Variants in PHF20 observed in about 807,000 individuals in gnomAD.
PHF20 encodes the protein glioma-expressed antigen 2.
A neutral mutation model predicts 113.5 loss-of-function variants in PHF20; 23 were observed. The observed-to-expected ratio is 0.20, with a 90% CI of 0.15 to 0.29. The LOEUF (loss-of-function observed/expected upper bound fraction) is 0.29. PHF20 is among the 10% of genes least tolerant of loss of function. The pLI, the probability that PHF20 is intolerant of heterozygous loss-of-function variation, is 1.00. For missense variants in PHF20, 943 were observed against 1,219.6 expected (o/e 0.77, Z 3.38); for synonymous variants, 434 against 457.3 (o/e 0.95, Z 0.65).
chr20:35,920,266 C>T (rs1301155370), intron 13 of PHF20, among the ~76,000 whole-genome samples: 1 of 152,078 alleles, frequency 6.6e-6, no homozygotes, highest in African/African-American at 2.4e-5. Context: ...GTATAATATC[C>T]TTGAGATTCA....
intron 2 of PHF20, among the ~76,000 whole-genome samples, chr20:35,810,762 A>G (rs1158746661): frequency 6.6e-6 from 1 of 152,156 alleles, no homozygotes; most frequent in East Asian, 1.9e-4. Context: ...ATGCATTCTG[A>G]TTATGTTCAC....
At chr20:35,776,395 A>G (rs574184437) in intron 1 of PHF20, among the ~76,000 whole-genome samples, 59 of 152,346 alleles carry the variant, frequency 3.9e-4, no homozygotes, top group Non-Finnish European at 7.6e-4. Flanking sequence ...TGGGTGCTCC[A>G]GAAAGACAAA....
chr20:35,787,037 G>A (rs914999866), intron 1 of PHF20, among the ~76,000 whole-genome samples: 2 of 146,874 alleles, frequency 1.4e-5, no homozygotes, highest in African/African-American at 2.5e-5. Context: ...TGTTGCCCAA[G>A]CTGGAGTACG....
At chr20:35,789,569 C>T (rs926810389) in intron 1 of PHF20, among the ~76,000 whole-genome samples, 12 of 151,802 alleles carry the variant, frequency 7.9e-5, no homozygotes, top group South Asian at 4.1e-4. Context: ...TTTTTTGTGA[C>T]GCAGTCTTGC....
rs181831255 is a variant in PHF20 at position 35,868,199 on chromosome 20, A to T, written c.809-1239A>T. ...TCCCAGCTACTTGGGAGGCTGAGGC[A>T]GGAGAATCACTTGAACCCGGGAGGC... On this transcript the variant is annotated intron_variant, in intron 6 of 17. Coordinates refer to ENST00000374012, the MANE Select transcript of PHF20 (RefSeq NM_016436.5). Among the ~76,000 whole-genome samples the T allele has an allele frequency of 3.8e-4, 58 of 152,256 alleles. 1 individual carries two copies. The East Asian group carries it at 0.01, about 27-fold the overall frequency.
chr20:35,822,846 TAAAAAAAAAA>T (rs780275666), intron 2 of PHF20, among the ~76,000 whole-genome samples: 9 of 55,564 alleles, frequency 1.6e-4, no homozygotes, highest in African/African-American at 5.9e-4. Flanking sequence ...ACCCTGCTTC[TAAAAAAAAAA>T]AAAAAAAAAA....
Position 35,857,917 on chromosome 20 carries a change from G to A in PHF20, c.341-385G>A, listed in dbSNP as rs527932078. Among the ~76,000 whole-genome samples the A allele has an allele frequency of 3.9e-5, 6 of 152,154 alleles. No homozygotes were observed. The East Asian group carries it at 7.7e-4, about 20-fold the overall frequency. On this transcript the variant is annotated intron_variant, in intron 4 of 17. Transcript: ENST00000374012. ...GAGAGCTATTACTGCCCCCGATCCC[G>A]GAACGTAAAGATTAAATTATAAAAG...
At chr20:35,864,110 C>T (rs1321530564) in intron 6 of PHF20, among the ~76,000 whole-genome samples, 2 of 152,176 alleles carry the variant, frequency 1.3e-5, no homozygotes, top group African/African-American at 4.8e-5. Flanking sequence ...CCCCGGTTCT[C>T]TGGACTGAGC....
At chr20:35,837,324 C>T (rs1389947273) in intron 2 of PHF20, among the ~76,000 whole-genome samples, 1 of 152,156 alleles carries the variant, frequency 6.6e-6, no homozygotes, top group Non-Finnish European at 1.5e-5. Context: ...TCCCTATCTC[C>T]TCCTAAGAGC....
At chr20:35,823,644 A>G (rs1224581945) in intron 2 of PHF20, among the ~76,000 whole-genome samples, 3 of 151,068 alleles carry the variant, frequency 2.0e-5, no homozygotes, top group African/African-American at 7.3e-5. Flanking sequence ...AAAAAAAAAA[A>G]AAAAAAAAAA....
At chr20:35,877,629 G>C (rs78811001) in intron 9 of PHF20, among the ~76,000 whole-genome samples, 7,268 of 150,064 alleles carry the variant, frequency 0.048, 232 homozygotes, top group African/African-American at 0.099. Context: ...CCACGCTGTA[G>C]TACAGTGGTA....
Position 35,947,673 on chromosome 20 carries a change from CA to C in PHF20, c.*47del. 21 of 1,585,038 alleles carry C rather than the reference CA, an allele frequency of 1.3e-5. No individual in the cohort carries two copies. The highest frequency in any genetic ancestry group is 1.8e-5 in the Non-Finnish European group (21 of 1,158,810). On this transcript the variant is annotated 3_prime_UTR_variant, in exon 18 of 18. Coordinates refer to ENST00000374012, the MANE Select transcript of PHF20 (RefSeq NM_016436.5). The stretch of plus-strand genomic sequence containing the variant: ...TGGGGGCACAATCCTGGGGCACCTG[CA>C]GGAGGAGCTTCGCATATTTAAATAA...
intron 2 of PHF20, among the ~76,000 whole-genome samples, chr20:35,820,275 A>G (rs2042145041): frequency 6.6e-6 from 1 of 152,202 alleles, no homozygotes; most frequent in African/African-American, 2.4e-5. Context: ...TTTTGATGCC[A>G]AGTCATTCAT....
In PHF20 at chr20:35,782,761, T is replaced by C. The variant is rs1391618556; in HGVS notation, c.-33+10682T>C. On this transcript the variant is annotated intron_variant, in intron 1 of 17. Coordinates refer to ENST00000374012, the MANE Select transcript of PHF20 (RefSeq NM_016436.5). ...GTTATGCACATTGGAGGCAGAACTT[T>C]CCAGCCTAGCAAGTTACTTAACCTA... Among the ~76,000 whole-genome samples, 8 of 152,354 alleles carry C rather than the reference T, an allele frequency of 5.3e-5. No homozygotes were observed. The East Asian group carries it at 1.3e-3, about 26-fold the overall frequency.
intron 1 of PHF20, among the ~76,000 whole-genome samples, chr20:35,772,514 T>A (rs1046422712): frequency 2.0e-5 from 3 of 152,234 alleles, no homozygotes; most frequent in South Asian, 2.1e-4. Flanking sequence ...TGGCTTTTTT[T>A]ATCCTATTCT....
chr20:35,927,689 T>C, intron 13 of PHF20, 91 bp from the exon 14 acceptor site: 1 of 950,964 alleles, frequency 1.1e-6, no homozygotes, highest in Non-Finnish European at 1.7e-6. Context: ...CCTTCTATCC[T>C]CCCATGCCCC....
At chr20:35,825,400 GAAGAT>G (rs1469743027) in intron 2 of PHF20, among the ~76,000 whole-genome samples, 9 of 152,098 alleles carry the variant, frequency 5.9e-5, no homozygotes, top group Non-Finnish European at 1.3e-4. Context: ...TTTGAGGAAA[GAAGAT>G]AAGGTATGAA....
intron 16 of PHF20, among the ~76,000 whole-genome samples, chr20:35,940,110 C>A (rs753827134): frequency 7.9e-5 from 12 of 152,110 alleles, no homozygotes; most frequent in Non-Finnish European, 1.8e-4. Flanking sequence ...TTGTGAAAAT[C>A]CCTCAGTAAA....
chr20:35,823,436 C>CAAA (rs200101311), intron 2 of PHF20, among the ~76,000 whole-genome samples: 3,630 of 65,832 alleles, frequency 0.055, 71 homozygotes, highest in African/African-American at 0.093. Flanking sequence ...CTTCGTCTCT[C>CAAA]AAAAAAAAAA....
Sources: allele counts gnomAD v4.1 joint callset (sites outside exome capture counted in the v4.1 genomes callset), GRCh38; gene constraint gnomAD v4.1.1; transcripts MANE v1.5; gene names NCBI Gene and HGNC (gene_info 2026-07-23, HGNC 2026-07-21).